Variants in SLC3A2 observed in about 807,000 individuals in gnomAD.
SLC3A2 encodes solute carrier family 3 member 2, also known as amino acid transporter heavy chain SLC3A2.
SLC3A2 carries 32 observed loss-of-function variants against 48.5 expected under a neutral mutation model. The observed-to-expected ratio is 0.66, with a 90% CI of 0.50 to 0.89. The LOEUF (loss-of-function observed/expected upper bound fraction) is 0.89. SLC3A2 is among the 40% of genes least tolerant of loss of function. The pLI is 0.00. For missense variants in SLC3A2, 587 were observed against 680.7 expected (o/e 0.86, Z 1.53); for synonymous variants, 277 against 288.8 (o/e 0.96, Z 0.41).
chr11:62,872,816 G>A (rs1281284089), intron 1 of SLC3A2, among the ~76,000 whole-genome samples: 1 of 152,094 alleles, frequency 6.6e-6, no homozygotes, highest in Non-Finnish European at 1.5e-5. Flanking sequence ...TGGTCAGGCT[G>A]GTGTTTAACT....
At chr11:62,872,032 C>T (rs745923918) in intron 1 of SLC3A2, among the ~76,000 whole-genome samples, 19 of 152,156 alleles carry the variant, frequency 1.2e-4, no homozygotes, top group Admixed American at 2.6e-4. Context: ...CCTGCCTCAG[C>T]CTCCCAAGTG....
chr11:62,873,034 A>T (rs1590626224), intron 1 of SLC3A2, among the ~76,000 whole-genome samples: 1 of 151,620 alleles, frequency 6.6e-6, no homozygotes, highest in Admixed American at 6.6e-5. Flanking sequence ...ATATATATAT[A>T]TTTTTCAGAC....
chr11:62,873,675 A>C (rs1188734892), intron 1 of SLC3A2, among the ~76,000 whole-genome samples: 1 of 152,148 alleles, frequency 6.6e-6, no homozygotes, highest in Non-Finnish European at 1.5e-5. Context: ...GGGTCTTGCT[A>C]CGTGGCCCTG....
At chr11:62,875,220 T>C (rs2085558615) in intron 1 of SLC3A2, among the ~76,000 whole-genome samples, 1 of 152,224 alleles carries the variant, frequency 6.6e-6, no homozygotes, top group South Asian at 2.1e-4. Flanking sequence ...AGTTTCTAGC[T>C]GTCCTCCCAT....
At position 62,880,921 on chromosome 11, in the gene SLC3A2, A is replaced by T; in HGVS notation, c.-103A>T. On this transcript the variant is annotated 5_prime_UTR_variant, in exon 1 of 9. Coordinates refer to ENST00000338663, the MANE Select transcript of SLC3A2 (RefSeq NM_001013251.3). The stretch of plus-strand genomic sequence containing the variant: ...AGATGCAGTAGCCGAAACTGCGCGG[A>T]GGCACAGAGGCCGGGGAGAGCGTTC... The T allele has an allele frequency of 1.4e-6, 2 of 1,462,852 alleles. No individual in the cohort carries two copies. The highest frequency in any genetic ancestry group is 1.8e-6 in the Non-Finnish European group (2 of 1,107,360). The allele number at this position is 1,462,852 out of a possible 1,614,324, so 90.6% of individuals were successfully genotyped here.
Position 62,881,809 on chromosome 11 carries a change from C to A in SLC3A2, c.425-84C>A. ...CCCCCTTTGCCCCCTCCCCGTCCCA[C>A]CCTTAGGCGCTGGGAGAAGGGAGGG... On this transcript the variant is annotated intron_variant, in intron 1 of 8. Coordinates refer to ENST00000338663, the MANE Select transcript of SLC3A2 (RefSeq NM_001013251.3). The surrounding 1 kb of genome is among the most constrained non-coding windows in gnomAD (Gnocchi z 4.0). The A allele has an allele frequency of 6.6e-7, 1 of 1,510,050 alleles. No homozygotes were observed. Among genetic ancestry groups the A allele is most frequent in the Non-Finnish European group, 9.0e-7 (1 of 1,105,456 alleles). The allele number at this position is 1,510,050 out of a possible 1,614,324, so 93.5% of individuals were successfully genotyped here.
intron 8 of SLC3A2, 30 bp downstream of exon 8, chr11:62,888,248 C>T (rs762171500): frequency 5.4e-5 from 87 of 1,611,060 alleles, no homozygotes; most frequent in Middle Eastern, 4.9e-4. Flanking sequence ...AGAAACTGAC[C>T]GGTGGAGGGT....
chr11:62,881,513 C>T lies in SLC3A2; in HGVS notation c.424+66C>T. ...ATCTGGTGGCTTGCACCGACCCCCT[C>T]CCCTGTCCCCAGACGGATCTAGATG... On this transcript the variant is annotated intron_variant, in intron 1 of 8. Transcript: ENST00000338663. This position sits in a 1 kb window ranked among gnomAD's most constrained non-coding sequence, Gnocchi z 4.0. 6.7e-7 allele frequency: 1 copy of T among 1,490,494 alleles called. No homozygotes were observed. The highest frequency in any genetic ancestry group is 2.1e-5 in the Admixed American group (1 of 48,028). The allele number at this position is 1,490,494 out of a possible 1,614,324, so 92.3% of individuals were successfully genotyped here. A position where few individuals can be genotyped will look rare whatever the true frequency, so the allele number is the denominator to read the frequency against.
At chr11:62,884,339 C>T (rs963306867) in intron 3 of SLC3A2, 118 bp from the exon 4 acceptor site, 3 of 1,107,294 alleles carry the variant, frequency 2.7e-6, no homozygotes, top group Non-Finnish European at 4.1e-6. Context: ...AGGCAAGGCA[C>T]AGGACTCTCC....
At chr11:62,857,517 T>A (rs1343298940) in intron 1 of SLC3A2, among the ~76,000 whole-genome samples, 7 of 151,364 alleles carry the variant, frequency 4.6e-5, no homozygotes, top group Non-Finnish European at 1.0e-4. Context: ...CCCATACCGA[T>A]CTCTACAAAA....
chr11:62,888,186 C>G lies in SLC3A2; in HGVS notation c.1195C>G (p.Pro399Ala). 2 of 1,614,034 alleles carry G rather than the reference C, an allele frequency of 1.2e-6. No homozygotes were observed. The highest frequency in any genetic ancestry group is 1.7e-6 in the Non-Finnish European group (2 of 1,180,006). Residue 399 changes from proline to alanine, a missense_variant, in exon 8 of 9, where the codon CCA becomes GCA. Transcript: ENST00000338663. ...GGATGAGTCCAGCTTCCCTGACATC[C>G]CAGGGGCTGTAAGTGCCAACATGAC... ...LWDESSFPDIPGAVSANMTVK... is the reference protein window; with the variant it reads ...LWDESSFPDIAGAVSANMTVK...
intron 1 of SLC3A2, among the ~76,000 whole-genome samples, chr11:62,868,365 CTT>C (rs1184700101): frequency 9.8e-5 from 13 of 132,674 alleles, no homozygotes; most frequent in South Asian, 2.4e-4. Flanking sequence ...TATTTTCATT[CTT>C]TTTTTTTTTT....
At chr11:62,876,878 A>G (rs1437799688), upstream of SLC3A2, 2 of 1,043,802 alleles carry the variant, frequency 1.9e-6, no homozygotes, top group South Asian at 2.5e-5. Flanking sequence ...CTGGGATTAC[A>G]GGTGAGCCAC....
chr11:62,873,533 C>T (rs920653584), intron 1 of SLC3A2, among the ~76,000 whole-genome samples: 13 of 152,014 alleles, frequency 8.6e-5, no homozygotes, highest in Non-Finnish European at 1.5e-4. Context: ...CACTATATTG[C>T]CCAATCTGGT....
chr11:62,856,491 T>C, intron 1 of SLC3A2: 2 of 959,678 alleles, frequency 2.1e-6, no homozygotes, highest in Non-Finnish European at 1.5e-6. Context: ...GATTTTTTCC[T>C]AACTGGTTCC....
chr11:62,873,969 A>ATTTTTT (rs573491653), intron 1 of SLC3A2, among the ~76,000 whole-genome samples: 2 of 38,866 alleles, frequency 5.1e-5, no homozygotes, highest in African/African-American at 2.1e-4. Flanking sequence ...TGCCCAGCTA[A>ATTTTTT]TTTTTTTTTT....
intron 6 of SLC3A2, 36 bp from the exon 7 acceptor site, chr11:62,885,429 G>T (rs1405013903): frequency 6.2e-7 from 1 of 1,614,062 alleles, no homozygotes; most frequent in South Asian, 1.1e-5. Context: ...AGGCAGAGGT[G>T]GGTTATGGGG....
chr11:62,880,638 G>A (rs1216407397), upstream of SLC3A2: 1 of 178,808 alleles, frequency 5.6e-6, no homozygotes, highest in African/African-American at 2.4e-5. Flanking sequence ...CTCGGGATTT[G>A]GGGCAGGATC....
chr11:62,865,572 A>AAG, intron 1 of SLC3A2, among the ~76,000 whole-genome samples: 1 of 151,604 alleles, frequency 6.6e-6, no homozygotes, highest in East Asian at 1.9e-4. Context: ...AAAAAAAAAA[A>AAG]AAAAAAAAAA....
Sources: gnomAD v4.1 joint callset for allele counts (sites outside exome capture counted in the v4.1 genomes callset) on GRCh38, gnomAD v4.1.1 for gene constraint, Gnocchi (gnomAD v3.1) non-coding constraint, MANE v1.5 for transcripts, NCBI Gene and HGNC (gene_info 2026-07-23, HGNC 2026-07-21) for gene names.